Variants in CCDC7 observed in about 807,000 individuals in gnomAD.
CCDC7 encodes coiled-coil domain containing 7.
In CCDC7, 183 loss-of-function variants were observed where a neutral mutation model predicts 196.9. The ratio of observed to expected loss-of-function variants is 0.93; its 90% confidence interval spans 0.82 to 1.05. The LOEUF is 1.05. Ranked by LOEUF, CCDC7 falls within the 50% of genes least tolerant of loss-of-function variation. CCDC7 has a pLI of 0.00. For synonymous variants in CCDC7, 525 were observed against 484.6 expected (o/e 1.08, Z -1.10); for missense variants, 1,540 against 1,482.2 (o/e 1.04, Z -0.64).
intron 13 of CCDC7, among the ~76,000 whole-genome samples, chr10:32,556,864 G>A (rs2054438641): frequency 6.6e-6 from 1 of 152,262 alleles, no homozygotes; most frequent in Non-Finnish European, 1.5e-5. Context: ...CTCTGCTTTA[G>A]TAGGGGCTAT....
At chr10:32,852,947 G>A (rs1453763387) in intron 40 of CCDC7, among the ~76,000 whole-genome samples, 1 of 152,120 alleles carries the variant, frequency 6.6e-6, no homozygotes, top group East Asian at 1.9e-4. Flanking sequence ...GGGCTTCAGT[G>A]GATACAAAAT....
At chr10:32,565,768 A>G in intron 14 of CCDC7, 148 bp downstream of exon 15, 1 of 647,726 alleles carries the variant, frequency 1.5e-6, no homozygotes, top group Non-Finnish European at 2.4e-6. Flanking sequence ...CATTTTATGC[A>G]TTAGGGGTAT....
intron 41 of CCDC7, among the ~76,000 whole-genome samples, chr10:32,868,157 T>C (rs1405422532): frequency 6.6e-6 from 1 of 152,086 alleles, no homozygotes; most frequent in African/African-American, 2.4e-5. Context: ...TTTGCTTAAT[T>C]ATTCATCCAT....
At chr10:32,768,684 T>C (rs1222999110) in intron 28 of CCDC7, among the ~76,000 whole-genome samples, 1 of 152,146 alleles carries the variant, frequency 6.6e-6, no homozygotes, top group Non-Finnish European at 1.5e-5. Context: ...TTTTGAGGTA[T>C]GTTTCTTCTA....
At chr10:32,508,646 G>A (rs992731987) in intron 9 of CCDC7, among the ~76,000 whole-genome samples, 21 of 151,288 alleles carry the variant, frequency 1.4e-4, no homozygotes, top group Admixed American at 2.0e-4. Flanking sequence ...TTTTTGATAC[G>A]GAGTCTCACT....
At chr10:32,817,687 A>C (rs1217713026) in intron 31 of CCDC7, among the ~76,000 whole-genome samples, 1 of 152,262 alleles carries the variant, frequency 6.6e-6, no homozygotes, top group Admixed American at 6.5e-5. Context: ...AATATTCAAC[A>C]TTCTTAAAGA....
At chr10:32,546,206 G>A (rs181342153) in intron 13 of CCDC7, among the ~76,000 whole-genome samples, 166 of 152,296 alleles carry the variant, frequency 1.1e-3, no homozygotes, top group African/African-American at 4.0e-3. Context: ...AATTAACAGA[G>A]TACCAGATAT....
At chr10:32,788,074 C>T (rs2082134422) in intron 29 of CCDC7, among the ~76,000 whole-genome samples, 1 of 152,204 alleles carries the variant, frequency 6.6e-6, no homozygotes, top group African/African-American at 2.4e-5. Flanking sequence ...ACCTGCAAAC[C>T]AACACTGCCT....
intron 13 of CCDC7, among the ~76,000 whole-genome samples, chr10:32,546,519 C>T (rs963860704): frequency 3.3e-5 from 5 of 152,032 alleles, no homozygotes; most frequent in Non-Finnish European, 5.9e-5. Flanking sequence ...GTGAATGGCT[C>T]GAGTTAAGTG....
At chr10:32,683,890 G>C (rs1006440733) in intron 21 of CCDC7, among the ~76,000 whole-genome samples, 2 of 152,218 alleles carry the variant, frequency 1.3e-5, no homozygotes, top group East Asian at 1.9e-4. Flanking sequence ...ATGAAAAGCA[G>C]TGTGGCTGTT....
chr10:32,724,191 G>A (rs2082790461), intron 25 of CCDC7, among the ~76,000 whole-genome samples: 1 of 152,082 alleles, frequency 6.6e-6, no homozygotes, highest in Non-Finnish European at 1.5e-5. Context: ...GTCATGGCTG[G>A]TGAAGTGCTC....
At chr10:32,753,047 A>G (rs534361477) in intron 28 of CCDC7, among the ~76,000 whole-genome samples, 47 of 152,286 alleles carry the variant, frequency 3.1e-4, no homozygotes, top group African/African-American at 1.1e-3. Context: ...GAAGAAGGGA[A>G]TATGTCATTT....
At chr10:32,842,910 A>G (rs542023908) in intron 33 of CCDC7, among the ~76,000 whole-genome samples, 1 of 152,042 alleles carries the variant, frequency 6.6e-6, no homozygotes, top group African/African-American at 2.4e-5. Context: ...AAGGCATAAG[A>G]ATGGTATGTT....
At position 32,739,306 on chromosome 10, in the gene CCDC7, G is replaced by A. The variant is rs572580322; in HGVS notation, c.2905+9849G>A. 2.4e-4 allele frequency among the ~76,000 whole-genome samples: 37 copies of A among 151,306 alleles called. No individual in the cohort carries two copies. In the South Asian group the frequency reaches 6.5e-3, roughly 27 times the overall value. ...CTTTTGTAATTTTCCCAAAGATCTC[G>A]GTATTCTGTTTATTTTATTATTTTT... On this transcript the variant is annotated intron_variant, in intron 28 of 41. Transcript: ENST00000639629.
chr10:32,549,264 G>T (rs1337197886), intron 13 of CCDC7, among the ~76,000 whole-genome samples: 1 of 151,922 alleles, frequency 6.6e-6, no homozygotes, highest in African/African-American at 2.4e-5. Flanking sequence ...GGGATACTTT[G>T]TTTTTTTCTT....
chr10:32,453,257 G>C, intron 1 of CCDC7, 87 bp from the exon 3 acceptor site: 1 of 1,005,278 alleles, frequency 9.9e-7, no homozygotes, highest in Non-Finnish European at 1.3e-6. Context: ...AAAGGTCCTG[G>C]CATAATTGAT....
intron 28 of CCDC7, among the ~76,000 whole-genome samples, chr10:32,761,667 C>T (rs1414239654): frequency 6.6e-6 from 1 of 151,930 alleles, no homozygotes; most frequent in Non-Finnish European, 1.5e-5. Flanking sequence ...AAAACCATAT[C>T]CAGAGTCTCA....
At chr10:32,515,583 G>A (rs1310911045) in intron 9 of CCDC7, among the ~76,000 whole-genome samples, 2 of 151,840 alleles carry the variant, frequency 1.3e-5, no homozygotes, top group Non-Finnish European at 2.9e-5. Context: ...TCGCTCTGTC[G>A]CTCAGGCTGG....
At chr10:32,474,063 C>G in intron 8 of CCDC7, 40 bp downstream of exon 9, 1 of 1,584,702 alleles carries the variant, frequency 6.3e-7, no homozygotes, top group Non-Finnish European at 8.6e-7. Flanking sequence ...TGATAATAAC[C>G]TCTGTTACAT....
Sources: gnomAD v4.1 joint callset for allele counts (sites outside exome capture counted in the v4.1 genomes callset) on GRCh38, gnomAD v4.1.1 for gene constraint, MANE v1.5 for transcripts, NCBI Gene and HGNC (gene_info 2026-07-23, HGNC 2026-07-21) for gene names.